AGTR1: variants seen among roughly 807,000 people sequenced by gnomAD.
The protein encoded by AGTR1 is type-1 angiotensin II receptor.
AGTR1 carries 16 observed loss-of-function variants against 19.4 expected under a neutral mutation model. That is an observed-to-expected ratio of 0.82 (90% CI 0.56 to 1.25). The LOEUF (loss-of-function observed/expected upper bound fraction) is 1.25, where lower values mean the gene tolerates loss of function less well. AGTR1 is among the 50% of genes most tolerant of loss of function. AGTR1 has a pLI of 0.00. For synonymous variants in AGTR1, 153 were observed against 154.9 expected, an observed-to-expected ratio of 0.99 and a Z score of 0.09; for missense variants, 373 against 431.9, an observed-to-expected ratio of 0.86 and a Z score of 1.21.
At chr3:148,728,169 A>G (rs545769915) in intron 2 of AGTR1, among the ~76,000 whole-genome samples, 1 of 152,316 alleles carries the variant, frequency 6.6e-6, no homozygotes, top group East Asian at 1.9e-4. Context: ...GCCTTGAAAC[A>G]TTACTTACAG....
chr3:148,699,719 A>G lies in AGTR1; in HGVS notation c.-132+1592A>G, dbSNP rs1382139640. Among the ~76,000 whole-genome samples, 3 of 152,220 alleles carry G rather than the reference A, an allele frequency of 2.0e-5. No homozygotes were observed. The East Asian group carries it at 5.8e-4, about 29-fold the overall frequency. On this transcript the variant is annotated intron_variant, in intron 1 of 2. Transcript: ENST00000349243. ...CTAAGCTTAAGGCTAGGTTATAGAA[A>G]CTGCCCATCATAATTGCTAGGTCTC...
chr3:148,711,861 A>G (rs1238558359), intron 2 of AGTR1, among the ~76,000 whole-genome samples: 1 of 151,922 alleles, frequency 6.6e-6, no homozygotes, highest in Non-Finnish European at 1.5e-5. Flanking sequence ...CCATCCTCCT[A>G]TCTCATCCTC....
chr3:148,698,995 C>T (rs2640538), intron 1 of AGTR1, among the ~76,000 whole-genome samples: 83,604 of 119,608 alleles, frequency 0.7, 25,624 homozygotes, highest in East Asian at 0.88. Context: ...CCGTTTTTTT[C>T]TTTGGGCAAC....
intron 2 of AGTR1, among the ~76,000 whole-genome samples, chr3:148,708,948 T>G (rs996108855): frequency 6.6e-6 from 1 of 152,222 alleles, no homozygotes. Context: ...GAGGGATGCT[T>G]CTTCTTTGCT....
Position 148,716,785 on chromosome 3 carries a change from G to A in AGTR1, c.-48+8758G>A, listed in dbSNP as rs1713326038. Among the ~76,000 whole-genome samples the A allele has an allele frequency of 6.6e-6, 1 of 152,092 alleles. No homozygotes were observed. Among genetic ancestry groups the A allele is most frequent in the Non-Finnish European group, 1.5e-5 (1 of 68,010 alleles). On this transcript the variant is annotated intron_variant, in intron 2 of 2. Transcript: ENST00000349243. This position sits in a 1 kb window ranked among gnomAD's most constrained non-coding sequence, Gnocchi z 4.7. ...TTATGGTTTTTTCTTTGAGTTCTCT[G>A]AATTTGAATAGTTTCTTAACCTTAG...
At chr3:148,737,694 C>T (rs989324855) in intron 2 of AGTR1, among the ~76,000 whole-genome samples, 13 of 152,134 alleles carry the variant, frequency 8.5e-5, no homozygotes, top group African/African-American at 2.4e-4. Flanking sequence ...CTGTTTCTAT[C>T]GCCTAAAATT....
chr3:148,707,325 A>T (rs184447150), intron 1 of AGTR1, among the ~76,000 whole-genome samples: 23 of 152,308 alleles, frequency 1.5e-4, no homozygotes, highest in Admixed American at 1.3e-4. Context: ...AAGGAGACAT[A>T]GGTAACTATT....
chr3:148,709,248 G>C (rs1439584591), intron 2 of AGTR1, among the ~76,000 whole-genome samples: 1 of 151,970 alleles, frequency 6.6e-6, no homozygotes, highest in African/African-American at 2.4e-5. Context: ...AAGACAGTAT[G>C]CTTTATTTTA....
rs1714832862 is a variant in AGTR1 at position 148,740,896 on chromosome 3, T to TTAC, written c.-47-89_-47-87dup. ...ATTTTTTCCTAAGACTAAAGTTGAG[T>TTAC]TACTACGTTTATGACTGAGAAATGA... On this transcript the variant is annotated intron_variant, in intron 2 of 2. Coordinates refer to ENST00000349243, the MANE Select transcript of AGTR1 (RefSeq NM_000685.5). The TTAC allele has an allele frequency of 6.1e-6, 7 of 1,152,722 alleles. No individual in the cohort carries two copies. In the East Asian group the frequency reaches 1.8e-4, roughly 29 times the overall value. 71.4% of individuals were successfully genotyped at this position (1,152,722 alleles called of 1,614,324 possible). A position where few individuals can be genotyped will look rare whatever the true frequency, so the allele number is the denominator to read the frequency against.
At chr3:148,718,089 G>A (rs1175895633) in intron 2 of AGTR1, among the ~76,000 whole-genome samples, 1 of 152,152 alleles carries the variant, frequency 6.6e-6, no homozygotes, top group Non-Finnish European at 1.5e-5. Context: ...CACACTAGAC[G>A]TCCTTATGCT....
intron 2 of AGTR1, among the ~76,000 whole-genome samples, chr3:148,735,950 G>T (rs1396407031): frequency 6.6e-6 from 1 of 152,102 alleles, no homozygotes; most frequent in Non-Finnish European, 1.5e-5. Flanking sequence ...TTTGATAGAA[G>T]ATTATTCCAA....
chr3:148,700,838 C>T (rs1712298457), intron 1 of AGTR1, among the ~76,000 whole-genome samples: 1 of 152,156 alleles, frequency 6.6e-6, no homozygotes, highest in African/African-American at 2.4e-5. Context: ...TATTAGTTTC[C>T]TTCAAAATTC....
chr3:148,740,970 T>A lies in AGTR1; in HGVS notation c.-47-19T>A. 1.3e-6 allele frequency: 2 copies of A among 1,591,422 alleles called. No individual in the cohort carries two copies. Among genetic ancestry groups the A allele is most frequent in the South Asian group, 2.3e-5 (2 of 87,128 alleles). Reference sequence around the variant, plus strand: ...CAATAAGAATTTTTTCTTTACCATTTTATTTTTATTTTCCCCAGGTGTATT... The same window carrying A: ...CAATAAGAATTTTTTCTTTACCATTATATTTTTATTTTCCCCAGGTGTATT... On this transcript the variant is annotated intron_variant, in intron 2 of 2. Coordinates refer to ENST00000349243, the MANE Select transcript of AGTR1 (RefSeq NM_000685.5).
chr3:148,703,018 A>C (rs188595376), intron 1 of AGTR1, among the ~76,000 whole-genome samples: 1 of 152,322 alleles, frequency 6.6e-6, no homozygotes, highest in African/African-American at 2.4e-5. Flanking sequence ...GACAAGGGTA[A>C]AGTGGAGAAA....
chr3:148,717,710 T>C (rs1310769342), intron 2 of AGTR1, among the ~76,000 whole-genome samples: 1 of 152,202 alleles, frequency 6.6e-6, no homozygotes, highest in Non-Finnish European at 1.5e-5. Flanking sequence ...TGTTAATTCA[T>C]ATGCCACCAG....
intron 1 of AGTR1, among the ~76,000 whole-genome samples, chr3:148,706,896 T>C (rs1276055939): frequency 6.6e-6 from 1 of 152,064 alleles, no homozygotes; most frequent in African/African-American, 2.4e-5. Context: ...TTTATGAATA[T>C]CTATCAAAAA....
chr3:148,703,935 G>A (rs1386151704), intron 1 of AGTR1, among the ~76,000 whole-genome samples: 2 of 151,780 alleles, frequency 1.3e-5, no homozygotes, highest in Non-Finnish European at 2.9e-5. Flanking sequence ...TTCTTTAACT[G>A]TTTGAAAAAA....
intron 2 of AGTR1, among the ~76,000 whole-genome samples, chr3:148,720,443 G>A (rs1301093381): frequency 6.6e-6 from 1 of 152,130 alleles, no homozygotes; most frequent in Non-Finnish European, 1.5e-5. Flanking sequence ...ATGTCGTGGG[G>A]TAGTCTAAAA....
At chr3:148,707,534 A>G (rs1712737197) in intron 1 of AGTR1, among the ~76,000 whole-genome samples, 1 of 152,224 alleles carries the variant, frequency 6.6e-6, no homozygotes, top group Non-Finnish European at 1.5e-5. Flanking sequence ...TAAGCTTTAT[A>G]CTAAGTAATA....
Sources: allele counts gnomAD v4.1 joint callset (sites outside exome capture counted in the v4.1 genomes callset), GRCh38; gene constraint gnomAD v4.1.1; non-coding constraint Gnocchi (gnomAD v3.1); transcripts MANE v1.5; gene names NCBI Gene and HGNC (gene_info 2026-07-23, HGNC 2026-07-21).